The following SPOCK1 variants were observed in gnomAD, a reference collection of about 807,000 sequenced individuals.
The protein encoded by SPOCK1 is SPARC (osteonectin), cwcv and kazal like domains proteoglycan 1.
Under a neutral mutation model 55.3 loss-of-function variants are expected in SPOCK1, and 23 were observed. That is an observed-to-expected ratio of 0.42 (90% CI 0.30 to 0.59). The LOEUF (loss-of-function observed/expected upper bound fraction) is 0.59. SPOCK1 is among the 20% of genes least tolerant of loss of function. The pLI is 0.22. For missense variants in SPOCK1, 499 were observed against 552.5 expected, an observed-to-expected ratio of 0.90 and a Z score of 0.97; for synonymous variants, 226 against 221.0, an observed-to-expected ratio of 1.02 and a Z score of -0.20.
chr5:137,423,432 C>G (rs1242241495), intron 2 of SPOCK1, among the ~76,000 whole-genome samples: 1 of 152,194 alleles, frequency 6.6e-6, no homozygotes, highest in African/African-American at 2.4e-5. Flanking sequence ...TGGGCTCCAC[C>G]CAGTTCGAGC....
intron 3 of SPOCK1, among the ~76,000 whole-genome samples, chr5:137,255,920 T>A (rs1756622369): frequency 6.6e-6 from 1 of 152,222 alleles, no homozygotes; most frequent in South Asian, 2.1e-4. Context: ...CCATGAATTT[T>A]GGAGCCAAAG....
intron 5 of SPOCK1, among the ~76,000 whole-genome samples, chr5:137,106,051 G>C (rs1258178670): frequency 6.6e-6 from 1 of 152,154 alleles, no homozygotes; most frequent in African/African-American, 2.4e-5. Flanking sequence ...CTGAGCTTCA[G>C]TCAGGTGGGC....
intron 2 of SPOCK1, among the ~76,000 whole-genome samples, chr5:137,356,254 A>G (rs775335003): frequency 1.1e-4 from 17 of 152,210 alleles, no homozygotes; most frequent in Admixed American, 2.6e-4. Context: ...AAGCCCACTT[A>G]TTACTAAGTT....
intron 6 of SPOCK1, among the ~76,000 whole-genome samples, chr5:137,008,327 CACAA>C (rs1460809254): frequency 1.3e-5 from 2 of 150,736 alleles, no homozygotes; most frequent in Non-Finnish European, 2.9e-5. Context: ...CACACACACA[CACAA>C]TCAACACAGT....
At chr5:137,217,003 G>C (rs1395365708) in intron 3 of SPOCK1, among the ~76,000 whole-genome samples, 1 of 152,120 alleles carries the variant, frequency 6.6e-6, no homozygotes, top group East Asian at 1.9e-4. Flanking sequence ...TGGGTTAGGA[G>C]GCAAGTTTCT....
intron 2 of SPOCK1, among the ~76,000 whole-genome samples, chr5:137,302,576 CAAAA>C (rs1471424650): frequency 4.7e-5 from 6 of 128,624 alleles, no homozygotes; most frequent in South Asian, 5.1e-4. Context: ...GACTCCATCT[CAAAA>C]AATAAATAAA....
intron 3 of SPOCK1, among the ~76,000 whole-genome samples, chr5:137,161,054 C>T (rs1754547451): frequency 6.9e-6 from 1 of 144,514 alleles, no homozygotes; most frequent in East Asian, 2.0e-4. Flanking sequence ...ATATATCTCT[C>T]TAATATATTA....
chr5:137,266,927 G>T, intron 3 of SPOCK1, 83 bp downstream of exon 3: 1 of 1,241,436 alleles, frequency 8.1e-7, no homozygotes, highest in Non-Finnish European at 1.2e-6. Flanking sequence ...GCCCTTGTGG[G>T]AACATTAACT....
intron 3 of SPOCK1, among the ~76,000 whole-genome samples, chr5:137,220,885 T>C (rs1310310073): frequency 1.3e-5 from 2 of 152,208 alleles, no homozygotes; most frequent in East Asian, 3.8e-4. Flanking sequence ...AAAGAAAGTC[T>C]AGTGAAAAAG....
intron 2 of SPOCK1, among the ~76,000 whole-genome samples, chr5:137,390,762 G>C (rs1299618692): frequency 6.6e-6 from 1 of 152,226 alleles, no homozygotes; most frequent in African/African-American, 2.4e-5. Flanking sequence ...GTCAGGGCCA[G>C]CACTTCCAGA....
chr5:137,088,093 G>A (rs1752991836), intron 5 of SPOCK1, among the ~76,000 whole-genome samples: 1 of 152,180 alleles, frequency 6.6e-6, no homozygotes, highest in African/African-American at 2.4e-5. Flanking sequence ...CTGGGGGTCA[G>A]GGAGTAGGGA....
chr5:137,350,520 C>T (rs1750654852), intron 2 of SPOCK1, among the ~76,000 whole-genome samples: 2 of 152,192 alleles, frequency 1.3e-5, no homozygotes, highest in Admixed American at 6.5e-5. Flanking sequence ...AACACTGCTT[C>T]ACTCCCATGT....
intron 2 of SPOCK1, among the ~76,000 whole-genome samples, chr5:137,319,848 G>A (rs1757948774): frequency 6.6e-6 from 1 of 151,556 alleles, no homozygotes; most frequent in African/African-American, 2.4e-5. Flanking sequence ...GGGAGGCTGA[G>A]GCAGGAGAAT....
intron 3 of SPOCK1, among the ~76,000 whole-genome samples, chr5:137,160,351 T>C (rs1580782816): frequency 8.1e-6 from 1 of 123,754 alleles, no homozygotes; most frequent in Non-Finnish European, 1.7e-5. Flanking sequence ...TATATTATAT[T>C]ATATAAATAT....
chr5:137,216,548 T>G (rs778059269), intron 3 of SPOCK1, among the ~76,000 whole-genome samples: 1 of 152,016 alleles, frequency 6.6e-6, no homozygotes, highest in Non-Finnish European at 1.5e-5. Flanking sequence ...CCATCTCTAC[T>G]GAAAATACAA....
At chr5:137,224,767 C>T (rs750287923) in intron 3 of SPOCK1, among the ~76,000 whole-genome samples, 1 of 152,176 alleles carries the variant, frequency 6.6e-6, no homozygotes, top group Non-Finnish European at 1.5e-5. Context: ...CCCAGGGAGA[C>T]CCGCAGGCAG....
chr5:137,420,541 T>C (rs373476154), intron 2 of SPOCK1, among the ~76,000 whole-genome samples: 10 of 152,168 alleles, frequency 6.6e-5, no homozygotes, highest in African/African-American at 1.2e-4. Context: ...TGTATGTGTC[T>C]AGGAATTTAT....
chr5:137,412,360 C>G (rs1309040658), intron 2 of SPOCK1, among the ~76,000 whole-genome samples: 1 of 152,184 alleles, frequency 6.6e-6, no homozygotes, highest in African/African-American at 2.4e-5. Context: ...CACAGTGAAA[C>G]ATTAGCTGAA....
intron 3 of SPOCK1, among the ~76,000 whole-genome samples, chr5:137,152,018 TA>T (rs1398244203): frequency 6.6e-6 from 1 of 152,222 alleles, no homozygotes; most frequent in Non-Finnish European, 1.5e-5. Flanking sequence ...CCAAGGTTAT[TA>T]AATTTCATTC....
Sources: gnomAD v4.1 joint callset for allele counts (sites outside exome capture counted in the v4.1 genomes callset) on GRCh38, gnomAD v4.1.1 for gene constraint, MANE v1.5 for transcripts, NCBI Gene and HGNC (gene_info 2026-07-23, HGNC 2026-07-21) for gene names.